The following SUSD1 variants were observed in gnomAD, a reference collection of about 807,000 sequenced individuals.
SUSD1 encodes sushi domain containing 1, also known as sushi domain-containing protein 1.
Under a neutral mutation model 86.9 loss-of-function variants are expected in SUSD1, and 65 were observed. The observed-to-expected ratio is 0.75, with a 90% confidence interval of 0.61 to 0.92. The LOEUF (loss-of-function observed/expected upper bound fraction) is 0.92, where lower values mean the gene tolerates loss of function less well. Ranked by LOEUF, SUSD1 falls within the 40% of genes least tolerant of loss-of-function variation. The probability of loss-of-function intolerance (pLI) is 0.00; values close to 1 mark genes in which losing one functional copy is unlikely to be tolerated. For synonymous variants in SUSD1, 346 were observed against 350.0 expected (o/e 0.99, Z 0.13); for missense variants, 850 against 929.7 (o/e 0.91, Z 1.11).
At position 112,102,294 on chromosome 9, in the gene SUSD1, CAAGA is replaced by C; in HGVS notation, c.1172-13_1172-10del. On this transcript the variant is annotated splice_polypyrimidine_tract_variant and intron_variant, in intron 8 of 16. Coordinates refer to ENST00000374270, the MANE Select transcript of SUSD1 (RefSeq NM_022486.5). Reference sequence around the variant, plus strand: ...TTCTAAGAGATCAACTTCTAAAAGACAAGAGAGAGAGTTATAGACAGCTTGCACC... The same window carrying C: ...TTCTAAGAGATCAACTTCTAAAAGACGAGAGAGTTATAGACAGCTTGCACC... 1 of 1,484,208 alleles carries C rather than the reference CAAGA, an allele frequency of 6.7e-7. No individual in the cohort carries two copies. The highest frequency in any genetic ancestry group is 9.3e-7 in the Non-Finnish European group (1 of 1,079,240). 91.9% of individuals were successfully genotyped at this position (1,484,208 alleles called of 1,614,324 possible). A position where few individuals can be genotyped will look rare whatever the true frequency, so the allele number is the denominator to read the frequency against.
chr9:112,135,515 C>T (rs892004617), intron 5 of SUSD1, among the ~76,000 whole-genome samples: 1 of 152,126 alleles, frequency 6.6e-6, no homozygotes, highest in Admixed American at 6.5e-5. Flanking sequence ...CTTCCATTTG[C>T]AGAAGTGACA....
At chr9:112,160,421 G>A (rs1363656138) in intron 1 of SUSD1, among the ~76,000 whole-genome samples, 1 of 152,174 alleles carries the variant, frequency 6.6e-6, no homozygotes, top group Non-Finnish European at 1.5e-5. Context: ...GCAGGCAGCT[G>A]TACTCCCAGC....
chr9:112,052,494 A>C (rs1030150323), intron 14 of SUSD1, 56 bp from the exon 15 acceptor site: 2 of 1,605,582 alleles, frequency 1.2e-6, no homozygotes, highest in South Asian at 2.2e-5. Context: ...TGTCAGTTTA[A>C]ATATAGTTTG....
At chr9:112,064,046 TGG>T (rs58850509) in intron 12 of SUSD1, among the ~76,000 whole-genome samples, 10 of 78,656 alleles carry the variant, frequency 1.3e-4, no homozygotes, top group South Asian at 4.0e-4. Context: ...TTTCTTTTTT[TGG>T]GGGGGGGGCG....
At position 112,113,289 on chromosome 9, in the gene SUSD1, C is replaced by T. The variant is rs919741724; in HGVS notation, c.887-421G>A. 6.6e-6 allele frequency among the ~76,000 whole-genome samples: 1 copy of T among 152,178 alleles called. No homozygotes were observed. The highest frequency in any genetic ancestry group is 1.5e-5 in the Non-Finnish European group (1 of 68,038). ...AGAATGATGGGAAACTCCTTCAAGT[C>T]ACTGCTATCCCCAGGGGGAAAATGA... On this transcript the variant is annotated intron_variant, in intron 6 of 16. Coordinates refer to ENST00000374270, the MANE Select transcript of SUSD1 (RefSeq NM_022486.5). This position sits in a 1 kb window ranked among gnomAD's most constrained non-coding sequence, Gnocchi z 4.1.
intron 12 of SUSD1, among the ~76,000 whole-genome samples, chr9:112,070,369 G>C (rs1386393250): frequency 2.6e-5 from 4 of 152,162 alleles, no homozygotes; most frequent in Admixed American, 6.5e-5. Flanking sequence ...GCCTCGTCAG[G>C]CTGGTTCTCA....
At chr9:112,080,587 C>G (rs868359159) in intron 10 of SUSD1, among the ~76,000 whole-genome samples, 1 of 151,074 alleles carries the variant, frequency 6.6e-6, no homozygotes, top group Non-Finnish European at 1.5e-5. Context: ...ACTTGGGAGG[C>G]TGAAGCAGGA....
At chr9:112,155,908 AAGAAG>A (rs1230172015) in intron 2 of SUSD1, among the ~76,000 whole-genome samples, 2 of 151,374 alleles carry the variant, frequency 1.3e-5, no homozygotes, top group Non-Finnish European at 2.9e-5. Flanking sequence ...GGAGAAAAGA[AAGAAG>A]AGGAGGAGGA....
chr9:112,058,636 C>G lies in SUSD1; in HGVS notation c.1901G>C (p.Cys634Ser). Residue 634 changes from cysteine (C) to serine (S), a missense_variant, in exon 14 of 17, where the codon TGT becomes TCT. Coordinates refer to ENST00000374270, the MANE Select transcript of SUSD1 (RefSeq NM_022486.5). ...LPLALQSTFS[C>S]DSEGASSFFS... ...GAAGGAGGAAGCGCCTTCAGAATCA[C>G]AAGAAAATGTGCTTTGGAGGGCCAG... The G allele has an allele frequency of 6.2e-7, 1 of 1,614,112 alleles. No homozygotes were observed. Among genetic ancestry groups the G allele is most frequent in the East Asian group, 2.2e-5 (1 of 44,876 alleles).
chr9:112,149,182 C>T (rs1687489357), intron 3 of SUSD1, 62 bp downstream of exon 3: 1 of 1,585,408 alleles, frequency 6.3e-7, no homozygotes, highest in South Asian at 1.1e-5. Flanking sequence ...TTAACAAATA[C>T]ACAGCCCAGA....
intron 5 of SUSD1, among the ~76,000 whole-genome samples, chr9:112,140,297 G>C (rs1268418201): frequency 7.6e-6 from 1 of 132,108 alleles, no homozygotes; most frequent in Admixed American, 7.5e-5. Context: ...GGGAAGCGGA[G>C]CTTGCCGTGA....
chr9:112,085,100 G>C (rs951885753), intron 10 of SUSD1, among the ~76,000 whole-genome samples: 14 of 152,110 alleles, frequency 9.2e-5, no homozygotes, highest in Admixed American at 2.6e-4. Flanking sequence ...TCAGTGTCTA[G>C]GGCAGTGATT....
At chr9:112,117,071 C>T (rs760982121) in intron 6 of SUSD1, among the ~76,000 whole-genome samples, 12 of 152,180 alleles carry the variant, frequency 7.9e-5, no homozygotes, top group Admixed American at 3.9e-4. Context: ...ACTTGGGAGG[C>T]GGAGGTTGCA....
chr9:112,101,866 T>C (rs1222441567), intron 9 of SUSD1, among the ~76,000 whole-genome samples: 1 of 152,048 alleles, frequency 6.6e-6, no homozygotes, highest in Admixed American at 6.6e-5. Flanking sequence ...AAATAAAAAA[T>C]AAAAATAAAT....
At chr9:112,100,381 T>C (rs542551668) in intron 9 of SUSD1, among the ~76,000 whole-genome samples, 2 of 151,536 alleles carry the variant, frequency 1.3e-5, no homozygotes, top group African/African-American at 2.4e-5. Flanking sequence ...AGAGATGGGG[T>C]TTCACCGTGT....
chr9:112,163,086 A>C (rs1166618052), intron 1 of SUSD1, among the ~76,000 whole-genome samples: 1 of 152,048 alleles, frequency 6.6e-6, no homozygotes, highest in East Asian at 1.9e-4. Context: ...TTTTTTTCTT[A>C]TATAAAATAC....
chr9:112,041,597 G>A (rs934273621), intron 16 of SUSD1, 105 bp from the exon 17 acceptor site: 8 of 758,672 alleles, frequency 1.1e-5, no homozygotes, highest in South Asian at 2.8e-5. Flanking sequence ...GGGAGGAGGC[G>A]AGGGGGAGCA....
intron 5 of SUSD1, among the ~76,000 whole-genome samples, chr9:112,124,704 A>G (rs1185733560): frequency 6.6e-6 from 1 of 152,232 alleles, no homozygotes; most frequent in African/African-American, 2.4e-5. Flanking sequence ...GTCCTTCTAA[A>G]TATTACAGTT....
intron 1 of SUSD1, among the ~76,000 whole-genome samples, chr9:112,165,914 G>A (rs34508757): frequency 0.19 from 12,825 of 69,172 alleles, 1,102 homozygotes; most frequent in African/African-American, 0.21. Context: ...AGGAAGGAAG[G>A]AAGAAAGAAA....
Sources: allele counts gnomAD v4.1 joint callset (sites outside exome capture counted in the v4.1 genomes callset), GRCh38; gene constraint gnomAD v4.1.1; non-coding constraint Gnocchi (gnomAD v3.1); transcripts MANE v1.5; gene names NCBI Gene and HGNC (gene_info 2026-07-23, HGNC 2026-07-21).